CYB5RL: variants seen among roughly 807,000 people sequenced by gnomAD.
CYB5RL encodes the protein cytochrome b5 reductase like.
A neutral mutation model predicts 37.5 loss-of-function variants in CYB5RL; 38 were observed. The ratio of observed to expected loss-of-function variants is 1.01; its 90% CI spans 0.78 to 1.33. The LOEUF (loss-of-function observed/expected upper bound fraction) is 1.33, where lower values mean the gene tolerates loss of function less well. Ranked by LOEUF, CYB5RL falls within the 40% of genes most tolerant of loss-of-function variation. The pLI, the probability that CYB5RL is intolerant of heterozygous loss-of-function variation, is 0.00. For missense variants in CYB5RL, 388 were observed against 394.4 expected, an observed-to-expected ratio of 0.98 and a Z score of 0.14; for synonymous variants, 141 against 151.9, an observed-to-expected ratio of 0.93 and a Z score of 0.53.
In CYB5RL at chr1:54,169,802, T is replaced by C. The variant is rs1164604043; in HGVS notation, c.*4817A>G. 1 of 152,182 alleles carries C rather than the reference T, an allele frequency of 6.6e-6. No individual in the cohort carries two copies. Among genetic ancestry groups the C allele is most frequent in the Non-Finnish European group, 1.5e-5 (1 of 68,028 alleles). The allele number at this position is 152,182 out of a possible 1,614,324, so 9.4% of individuals were successfully genotyped here. Reference sequence around the variant, plus strand: ...AAGTATTTTTATAGTAAAATACAAATACAGATATGGCTAAAAACCCCATCA... The same window carrying C: ...AAGTATTTTTATAGTAAAATACAAACACAGATATGGCTAAAAACCCCATCA... On this transcript the variant is annotated 3_prime_UTR_variant, in exon 8 of 8. Transcript: ENST00000534324.
chr1:54,198,247 T>C (rs1644031965), intron 1 of CYB5RL, among the ~76,000 whole-genome samples: 1 of 151,962 alleles, frequency 6.6e-6, no homozygotes, highest in South Asian at 2.1e-4. Context: ...TCAACCCAAT[T>C]CATTTTTATT....
chr1:54,174,225 G>A lies in CYB5RL; in HGVS notation c.*394C>T. 1 of 256,944 alleles carries A rather than the reference G, an allele frequency of 3.9e-6. No individual in the cohort carries two copies. The highest frequency in any genetic ancestry group is 7.8e-6 in the Non-Finnish European group (1 of 128,606). 15.9% of individuals were successfully genotyped at this position (256,944 alleles called of 1,614,324 possible). ...AGCCCCTAATCCGAGATGGTGCTGA[G>A]GCCACAGTTGGAGCCCCCATTAGAT... On this transcript the variant is annotated 3_prime_UTR_variant, in exon 8 of 8. Coordinates refer to ENST00000534324, the MANE Select transcript of CYB5RL (RefSeq NM_001031672.4).
At chr1:54,190,646 A>G in intron 4 of CYB5RL, 102 bp downstream of exon 4, 1 of 1,441,044 alleles carries the variant, frequency 6.9e-7, no homozygotes, top group East Asian at 2.5e-5. Context: ...GAAGATGACA[A>G]ATGGAGGCTT....
chr1:54,169,811 G>A lies in CYB5RL; in HGVS notation c.*4808C>T, dbSNP rs1659850615. On this transcript the variant is annotated 3_prime_UTR_variant, in exon 8 of 8. Transcript: ENST00000534324. ...TATAGTAAAATACAAATACAGATAT[G>A]GCTAAAAACCCCATCACCCCATCCC... is the stretch of plus-strand genomic sequence containing the variant. 1 of 152,086 alleles carries A rather than the reference G, an allele frequency of 6.6e-6. No individual in the cohort carries two copies. Among genetic ancestry groups the A allele is most frequent in the Non-Finnish European group, 1.5e-5 (1 of 68,016 alleles). The allele number at this position is 152,086 out of a possible 1,614,324, so 9.4% of individuals were successfully genotyped here.
rs867559516 is a variant in CYB5RL at position 54,174,777 on chromosome 1, G to A, written c.790C>T (p.His264Tyr). Reference protein sequence around the residue: ...QLPWSYQEKTHFGHLGQDLIK... With the variant: ...QLPWSYQEKTYFGHLGQDLIK... ...AGGTCCTGGCCCAGGTGGCCAAAGT[G>A]GGTTTTCTCTTGGTAACTCCAGGGA... The change falls in exon 8 of 8, where the codon CAC (histidine) becomes TAC (tyrosine). Residue 264 changes from histidine (H) to tyrosine (Y), a missense_variant. By Grantham distance (83) the His-to-Tyr change is moderately conservative. Coordinates refer to ENST00000534324, the MANE Select transcript of CYB5RL (RefSeq NM_001031672.4). 6.2e-7 allele frequency: 1 copy of A among 1,613,946 alleles called. No homozygotes were observed. The highest frequency in any genetic ancestry group is 8.5e-7 in the Non-Finnish European group (1 of 1,179,892).
At chr1:54,187,555 G>T in intron 5 of CYB5RL, 97 bp downstream of exon 5, 3 of 1,192,802 alleles carry the variant, frequency 2.5e-6, no homozygotes, top group Non-Finnish European at 2.4e-6. Context: ...GTTGTTCCCA[G>T]CACTGAGTTT....
chr1:54,178,778 C>G (rs922289094), intron 7 of CYB5RL, among the ~76,000 whole-genome samples: 1 of 152,208 alleles, frequency 6.6e-6, no homozygotes, highest in African/African-American at 2.4e-5. Context: ...GGAGGGAGGT[C>G]TGCAGCCTGC....
At chr1:54,175,811 T>G (rs1383642054) in intron 7 of CYB5RL, among the ~76,000 whole-genome samples, 1 of 152,236 alleles carries the variant, frequency 6.6e-6, no homozygotes, top group South Asian at 2.1e-4. Flanking sequence ...CATGGGAGGA[T>G]GTGCATAGAT....
intron 6 of CYB5RL, among the ~76,000 whole-genome samples, chr1:54,180,688 C>T (rs1225150349): frequency 1.3e-5 from 2 of 151,946 alleles, no homozygotes; most frequent in African/African-American, 4.8e-5. Context: ...GGGTATTTAC[C>T]ACCCTCATTC....
chr1:54,175,602 C>G (rs1379647128), intron 7 of CYB5RL: 1 of 414,376 alleles, frequency 2.4e-6, no homozygotes, highest in Non-Finnish European at 5.0e-6. Flanking sequence ...GTATACAAAT[C>G]ATTAAGTATA....
chr1:54,197,410 G>A (rs1644018341), intron 1 of CYB5RL, among the ~76,000 whole-genome samples: 1 of 145,050 alleles, frequency 6.9e-6, no homozygotes, highest in Non-Finnish European at 1.5e-5. Context: ...TGCAACCTCT[G>A]CCTCCTGGGC....
chr1:54,192,192 T>TC (rs1347856923), intron 3 of CYB5RL, among the ~76,000 whole-genome samples: 1 of 150,826 alleles, frequency 6.6e-6, no homozygotes, highest in Non-Finnish European at 1.5e-5. Context: ...TTTTTTTTTT[T>TC]TTTTTTTTTT....
chr1:54,195,286 C>A (rs1039692726), intron 3 of CYB5RL, 133 bp downstream of exon 3: 3 of 1,076,716 alleles, frequency 2.8e-6, no homozygotes, highest in East Asian at 5.5e-5. Context: ...GAGCCTAGAT[C>A]TGTTTGCTTC....
rs577421139 is a variant in CYB5RL, at chr1:54,172,539, C to T, written c.*2080G>A. 1 of 152,338 alleles carries T rather than the reference C, an allele frequency of 6.6e-6. No homozygotes were observed. Among genetic ancestry groups the T allele is most frequent in the Admixed American group, 6.5e-5 (1 of 15,286 alleles). The allele number at this position is 152,338 out of a possible 1,614,324, so 9.4% of individuals were successfully genotyped here. ...CTATCCCCGCTGGCAGTGGTGTGCC[C>T]CTGGGCTCTCCCTAGACTAGGCTAA... On this transcript the variant is annotated 3_prime_UTR_variant, in exon 8 of 8. Coordinates refer to ENST00000534324, the MANE Select transcript of CYB5RL (RefSeq NM_001031672.4).
intron 3 of CYB5RL, among the ~76,000 whole-genome samples, chr1:54,192,216 G>A (rs1454176280): frequency 7.4e-5 from 10 of 135,364 alleles, no homozygotes; most frequent in African/African-American, 2.2e-4. Flanking sequence ...ATAGAGTCTC[G>A]CTCTGTTGCC....
chr1:54,188,010 A>C, intron 4 of CYB5RL: 1 of 437,244 alleles, frequency 2.3e-6, no homozygotes, highest in East Asian at 4.3e-5. Context: ...CGGGAGGTGG[A>C]GGTTTCAGTG....
intron 5 of CYB5RL, chr1:54,186,247 A>G (rs890570572): frequency 1.8e-4 from 27 of 152,254 alleles, no homozygotes; most frequent in African/African-American, 6.3e-4. Flanking sequence ...AGAGGCCTTG[A>G]GACAAATGAT....
At chr1:54,180,265 C>T (rs924030020) in intron 6 of CYB5RL, 3 of 394,846 alleles carry the variant, frequency 7.6e-6, no homozygotes, top group Admixed American at 3.2e-5. Flanking sequence ...TGAGTTCCCA[C>T]CCCAGGAGGT....
chr1:54,185,329 T>TGGGGATGGGAGCA (rs1553177402), intron 5 of CYB5RL: 1 of 147,056 alleles, frequency 6.8e-6, no homozygotes, highest in Non-Finnish European at 1.5e-5. Flanking sequence ...TGGAATTCAC[T>TGGGGATGGGAGCA]GGGGATGGGA....
Sources: gnomAD v4.1 joint callset for allele counts (sites outside exome capture counted in the v4.1 genomes callset) on GRCh38, gnomAD v4.1.1 for gene constraint, MANE v1.5 for transcripts, NCBI Gene and HGNC (gene_info 2026-07-23, HGNC 2026-07-21) for gene names.